ANTXR1: variants seen among roughly 807,000 people sequenced by gnomAD.
The protein encoded by ANTXR1 is ANTXR cell adhesion molecule 1.
Under a neutral mutation model 78.1 loss-of-function variants are expected in ANTXR1, and 19 were observed. The ratio of observed to expected loss-of-function variants is 0.24; its 90% CI spans 0.17 to 0.36. The LOEUF is 0.36. ANTXR1 is among the 10% of genes least tolerant of loss of function. The pLI is 1.00. For synonymous variants in ANTXR1, 273 were observed against 260.5 expected, an observed-to-expected ratio of 1.05 and a Z score of -0.46; for missense variants, 518 against 718.6, an observed-to-expected ratio of 0.72 and a Z score of 3.19.
chr2:69,144,296 G>C (rs562569083), intron 12 of ANTXR1, among the ~76,000 whole-genome samples: 1 of 152,312 alleles, frequency 6.6e-6, no homozygotes, highest in East Asian at 1.9e-4. Context: ...GTCTCTCCTT[G>C]GAGCAGAGTG....
In ANTXR1 at chr2:69,032,398, A is replaced by G. The variant is rs1573789416; in HGVS notation, c.153-7646A>G. Among the ~76,000 whole-genome samples, 3 of 151,924 alleles carry G rather than the reference A, an allele frequency of 2.0e-5. No individual in the cohort carries two copies. In the South Asian group the frequency reaches 6.2e-4, roughly 32 times the overall value. On this transcript the variant is annotated intron_variant, in intron 1 of 17. Coordinates refer to ENST00000303714, the MANE Select transcript of ANTXR1 (RefSeq NM_032208.3). Reference sequence around the variant, plus strand: ...TCTACCCACCCCCCCAAAATTTCCAACAATGGACCTGCTGCTTTTGTGATA... The same window carrying G: ...TCTACCCACCCCCCCAAAATTTCCAGCAATGGACCTGCTGCTTTTGTGATA...
At chr2:69,226,478 A>T (rs1351673822) in intron 17 of ANTXR1, among the ~76,000 whole-genome samples, 1 of 152,158 alleles carries the variant, frequency 6.6e-6, no homozygotes, top group African/African-American at 2.4e-5. Context: ...AAGCGGTAGG[A>T]AATGGGAGAG....
Position 69,044,573 on chromosome 2 carries a change from C to T in ANTXR1, c.225-169C>T, listed in dbSNP as rs542240004. 1.8e-4 allele frequency among the ~76,000 whole-genome samples: 28 copies of T among 152,296 alleles called. No individual in the cohort carries two copies. In the East Asian group the frequency reaches 5.2e-3, roughly 28 times the overall value. On this transcript the variant is annotated intron_variant, in intron 2 of 17. Coordinates refer to ENST00000303714, the MANE Select transcript of ANTXR1 (RefSeq NM_032208.3). Reference sequence around the variant, plus strand: ...TTCTCTTTGACCCACACTTCAAGTCCACTGCTGGCTAATCAACACCCGCAG... The same window carrying T: ...TTCTCTTTGACCCACACTTCAAGTCTACTGCTGGCTAATCAACACCCGCAG...
chr2:69,210,857 A>G (rs1230399313), intron 17 of ANTXR1, among the ~76,000 whole-genome samples: 1 of 151,644 alleles, frequency 6.6e-6, no homozygotes, highest in Non-Finnish European at 1.5e-5. Flanking sequence ...AATCACTTGA[A>G]CATGGGAGGT....
intron 3 of ANTXR1, among the ~76,000 whole-genome samples, chr2:69,068,669 G>A (rs146102080): frequency 6.6e-6 from 1 of 152,334 alleles, no homozygotes; most frequent in East Asian, 1.9e-4. Flanking sequence ...AATCCCAGGT[G>A]TAATGGGTTG....
At chr2:69,116,542 A>G (rs1297802321) in intron 10 of ANTXR1, among the ~76,000 whole-genome samples, 1 of 152,198 alleles carries the variant, frequency 6.6e-6, no homozygotes, top group African/African-American at 2.4e-5. Flanking sequence ...GGTGCTGAAC[A>G]GTTATATTTG....
At chr2:69,047,775 G>A (rs761314633) in intron 3 of ANTXR1, among the ~76,000 whole-genome samples, 1 of 152,072 alleles carries the variant, frequency 6.6e-6, no homozygotes, top group Non-Finnish European at 1.5e-5. Context: ...GGTGATATAG[G>A]CAGTAGCAAG....
At chr2:69,077,192 A>C in intron 7 of ANTXR1, 1 of 597,116 alleles carries the variant, frequency 1.7e-6, no homozygotes. Flanking sequence ...ACAAATGTAA[A>C]AGCTGGAGCC....
chr2:69,236,900 G>A (rs1481714584), intron 17 of ANTXR1, among the ~76,000 whole-genome samples: 2 of 152,170 alleles, frequency 1.3e-5, no homozygotes, highest in Non-Finnish European at 2.9e-5. Context: ...ACCACTGGGT[G>A]TGTGTCTGTG....
At chr2:69,137,575 T>C (rs1250434833) in intron 12 of ANTXR1, among the ~76,000 whole-genome samples, 1 of 152,068 alleles carries the variant, frequency 6.6e-6, no homozygotes, top group East Asian at 1.9e-4. Context: ...ATTGGGAGCC[T>C]GGGCAACAGG....
intron 13 of ANTXR1, among the ~76,000 whole-genome samples, chr2:69,167,250 C>T (rs966011734): frequency 3.3e-5 from 5 of 152,210 alleles, no homozygotes; most frequent in African/African-American, 4.8e-5. Context: ...CATGGGAAGC[C>T]ATTAGCAGGG....
At chr2:69,044,629 G>C in intron 2 of ANTXR1, 113 bp from the exon 3 acceptor site, 1 of 1,144,146 alleles carries the variant, frequency 8.7e-7, no homozygotes, top group Non-Finnish European at 1.3e-6. Context: ...TGTGGGTTAT[G>C]GGTCTTCAGT....
At chr2:69,095,553 G>T (rs1671372114) in intron 9 of ANTXR1, among the ~76,000 whole-genome samples, 1 of 152,214 alleles carries the variant, frequency 6.6e-6, no homozygotes, top group South Asian at 2.1e-4. Flanking sequence ...TAGATATTTG[G>T]AGGATTCCCA....
In ANTXR1 at chr2:69,029,321, T is replaced by G. The variant is rs1247672034; in HGVS notation, c.153-10723T>G. Reference sequence around the variant, plus strand: ...AATATATATATATATTAGATATATATAGATATAGATATATACACAATAACA... The same window carrying G: ...AATATATATATATATTAGATATATAGAGATATAGATATATACACAATAACA... On this transcript the variant is annotated intron_variant, in intron 1 of 17. Coordinates refer to ENST00000303714, the MANE Select transcript of ANTXR1 (RefSeq NM_032208.3). Among the ~76,000 whole-genome samples the G allele has an allele frequency of 4.2e-5, 6 of 141,920 alleles. No homozygotes were observed. In the East Asian group the frequency reaches 5.8e-4, roughly 14 times the overall value. 93.1% of individuals were successfully genotyped at this position (141,920 alleles called of 152,430 possible). A position where few individuals can be genotyped will look rare whatever the true frequency, so the allele number is the denominator to read the frequency against.
chr2:69,019,400 T>A (rs1671116069), intron 1 of ANTXR1, among the ~76,000 whole-genome samples: 1 of 152,228 alleles, frequency 6.6e-6, no homozygotes, highest in Admixed American at 6.5e-5. Flanking sequence ...GTATCTGTGT[T>A]GATTTTGTTG....
At chr2:69,244,745 C>G (rs1675973054) in intron 17 of ANTXR1, among the ~76,000 whole-genome samples, 1 of 152,176 alleles carries the variant, frequency 6.6e-6, no homozygotes, top group African/African-American at 2.4e-5. Flanking sequence ...ATATGAGGAT[C>G]CCTTCCAGAA....
intron 10 of ANTXR1, among the ~76,000 whole-genome samples, chr2:69,113,499 G>A (rs1260015519): frequency 2.6e-5 from 4 of 152,194 alleles, no homozygotes; most frequent in South Asian, 4.1e-4. Context: ...TGGTGGCTCT[G>A]TCCCCCATGC....
chr2:69,072,737 G>A (rs181416000), intron 5 of ANTXR1, among the ~76,000 whole-genome samples: 4 of 152,270 alleles, frequency 2.6e-5, no homozygotes, highest in East Asian at 3.9e-4. Context: ...TTGATTCACC[G>A]GTGCTACTCC....
At chr2:69,119,873 A>G (rs1471773427) in intron 10 of ANTXR1, among the ~76,000 whole-genome samples, 1 of 152,324 alleles carries the variant, frequency 6.6e-6, no homozygotes, top group East Asian at 1.9e-4. Context: ...GGAATAATAC[A>G]CCATCCTGAT....
Sources: allele counts gnomAD v4.1 joint callset (sites outside exome capture counted in the v4.1 genomes callset), GRCh38; gene constraint gnomAD v4.1.1; transcripts MANE v1.5; gene names NCBI Gene and HGNC (gene_info 2026-07-23, HGNC 2026-07-21).